Variants in FMN1 observed in about 807,000 individuals in gnomAD.
FMN1 encodes the protein formin 1, also known as formin-1.
In FMN1, 110 loss-of-function variants were observed where a neutral mutation model predicts 132.4. The observed-to-expected ratio is 0.83, with a 90% CI of 0.71 to 0.97. FMN1 has a LOEUF of 0.97. FMN1 is among the 50% of genes least tolerant of loss of function. FMN1 has a pLI of 0.00. For synonymous variants in FMN1, 722 were observed against 651.7 expected, an observed-to-expected ratio of 1.11 and a Z score of -1.64; for missense variants, 1,792 against 1,705.3, an observed-to-expected ratio of 1.05 and a Z score of -0.90.
intron 15 of FMN1, among the ~76,000 whole-genome samples, chr15:32,897,724 G>A (rs1345977696): frequency 6.6e-6 from 1 of 152,196 alleles, no homozygotes; most frequent in East Asian, 1.9e-4. Flanking sequence ...GAGGGTGTGG[G>A]ATGGCTTAGA....
chr15:32,865,076 TTAG>T (rs1373141703), intron 16 of FMN1, among the ~76,000 whole-genome samples: 1 of 152,042 alleles, frequency 6.6e-6, no homozygotes, highest in Admixed American at 6.6e-5. Context: ...ACAAAGCGGA[TTAG>T]TAGTGGCTGA....
chr15:32,993,566 A>C (rs1467105629), intron 7 of FMN1, among the ~76,000 whole-genome samples: 1 of 151,766 alleles, frequency 6.6e-6, no homozygotes, highest in Non-Finnish European at 1.5e-5. Flanking sequence ...GAGCTTTCTC[A>C]TTTCATGCTC....
chr15:32,823,486 T>C (rs1267270288), intron 17 of FMN1, among the ~76,000 whole-genome samples: 1 of 152,118 alleles, frequency 6.6e-6, no homozygotes, highest in Non-Finnish European at 1.5e-5. Flanking sequence ...CGTTATTGCC[T>C]ACACCAAGGT....
At chr15:32,782,975 A>C (rs1011145724) in intron 19 of FMN1, among the ~76,000 whole-genome samples, 3 of 133,048 alleles carry the variant, frequency 2.3e-5, no homozygotes, top group African/African-American at 8.7e-5. Context: ...ATATAGAGGG[A>C]AATAACAGAC....
intron 6 of FMN1, among the ~76,000 whole-genome samples, chr15:33,048,644 A>AAACAAAAAAAAAAAAAAAAAAAAAAC (rs1555388954): frequency 1.2e-5 from 1 of 86,920 alleles, no homozygotes; most frequent in African/African-American, 4.1e-5. Context: ...AAAAAAAAAA[A>AAACAAAAAAAAAAAAAAAAAAAAAAC]AAAAACCAAC....
At chr15:32,962,386 A>G (rs2030670858) in intron 9 of FMN1, among the ~76,000 whole-genome samples, 2 of 151,962 alleles carry the variant, frequency 1.3e-5, no homozygotes, top group Admixed American at 6.5e-5. Context: ...AACCATAAAA[A>G]CCCTAGAAGA....
At chr15:32,918,358 C>T (rs2060735983) in intron 10 of FMN1, among the ~76,000 whole-genome samples, 1 of 152,050 alleles carries the variant, frequency 6.6e-6, no homozygotes, top group Non-Finnish European at 1.5e-5. Flanking sequence ...ATCTAAATTG[C>T]TAAATGCCTG....
At chr15:32,973,996 C>T (rs1186431693) in intron 7 of FMN1, among the ~76,000 whole-genome samples, 4 of 152,132 alleles carry the variant, frequency 2.6e-5, no homozygotes, top group Admixed American at 2.6e-4. Flanking sequence ...CATGTACTCC[C>T]AATCTTTGCC....
intron 10 of FMN1, among the ~76,000 whole-genome samples, chr15:32,917,870 G>A (rs2060722434): frequency 6.6e-6 from 1 of 152,132 alleles, no homozygotes. Context: ...TTTTTACATT[G>A]ATCAGCAATC....
At chr15:32,796,449 T>C (rs193208525) in intron 19 of FMN1, among the ~76,000 whole-genome samples, 1 of 152,338 alleles carries the variant, frequency 6.6e-6, no homozygotes, top group East Asian at 1.9e-4. Flanking sequence ...TTATTTTGGT[T>C]ATGAATTTTA....
rs550980435 is a variant in FMN1 at position 33,127,045 on chromosome 15, AGACATATTAAGCTTTC to A, written c.1867+25987_1867+26002del. On this transcript the variant is annotated intron_variant, in intron 4 of 20. Coordinates refer to ENST00000616417, the MANE Select transcript of FMN1 (RefSeq NM_001277313.2). Reference sequence around the variant, plus strand: ...AAACTGCAAGATGCATGTTGCAAAAAGACATATTAAGCTTTCTGCTGTTTTCCAGGCACTGTATCAG... The same window carrying A: ...AAACTGCAAGATGCATGTTGCAAAAATGCTGTTTTCCAGGCACTGTATCAG... Among the ~76,000 whole-genome samples, 219 of 152,324 alleles carry A rather than the reference AGACATATTAAGCTTTC, an allele frequency of 1.4e-3. 1 individual carries two copies. The highest frequency in any genetic ancestry group is 2.8e-3 in the Non-Finnish European group (191 of 68,024).
chr15:32,884,139 A>G (rs955019854), intron 16 of FMN1, among the ~76,000 whole-genome samples: 12 of 152,200 alleles, frequency 7.9e-5, no homozygotes, highest in Non-Finnish European at 1.6e-4. Flanking sequence ...GATTGCTACT[A>G]TAATAAATTA....
At position 33,048,644 on chromosome 15, in the gene FMN1, A is replaced by AACAAAAAAAAAAAACAAAAAC. The variant is rs1555388955; in HGVS notation, c.2161+16312_2161+16313insGTTTTTGTTTTTTTTTTTTGT. Among the ~76,000 whole-genome samples the AACAAAAAAAAAAAACAAAAAC allele has an allele frequency of 8.4e-3, 728 of 86,922 alleles. 89 individuals are homozygous for AACAAAAAAAAAAAACAAAAAC. Among genetic ancestry groups the AACAAAAAAAAAAAACAAAAAC allele is most frequent in the African/African-American group, 0.028 (674 of 24,318 alleles). The allele number at this position is 86,922 out of a possible 152,430, so 57.0% of individuals were successfully genotyped here. ...TGGGCAATTTACCAAAAAAAAAAAA[A>AACAAAAAAAAAAAACAAAAAC]AAAAACCAACAGTTTAATGGACTTA... On this transcript the variant is annotated intron_variant, in intron 6 of 20. Coordinates refer to ENST00000616417, the MANE Select transcript of FMN1 (RefSeq NM_001277313.2).
chr15:33,019,568 G>A (rs532122512), intron 6 of FMN1, among the ~76,000 whole-genome samples: 25 of 152,322 alleles, frequency 1.6e-4, no homozygotes, highest in African/African-American at 5.8e-4. Flanking sequence ...CAGCGCAGAA[G>A]CCCGGGGCGG....
At chr15:33,175,449 G>A (rs1965483175) in intron 3 of FMN1, among the ~76,000 whole-genome samples, 1 of 152,036 alleles carries the variant, frequency 6.6e-6, no homozygotes, top group Non-Finnish European at 1.5e-5. Flanking sequence ...TTGACATTCT[G>A]GAAGAAAACC....
Position 32,771,407 on chromosome 15 carries a change from CTGTAG to C in FMN1, c.*2898_*2902del, listed in dbSNP as rs745604230. ...GCCTGATGCTTTTTACCTAACGTGT[CTGTAG>C]TGTAATTTATGATGTACTTTGTGTA... is the stretch of plus-strand genomic sequence containing the variant. On this transcript the variant is annotated 3_prime_UTR_variant, in exon 21 of 21. Coordinates refer to ENST00000616417, the MANE Select transcript of FMN1 (RefSeq NM_001277313.2). The C allele has an allele frequency of 5.3e-5, 8 of 152,218 alleles. 1 individual carries two copies. The highest frequency in any genetic ancestry group is 1.9e-4 in the East Asian group (1 of 5,142). The allele number at this position is 152,218 out of a possible 1,614,324, so 9.4% of individuals were successfully genotyped here. A position where few individuals can be genotyped will look rare whatever the true frequency, so the allele number is the denominator to read the frequency against.
At chr15:32,865,854 T>A (rs144813645) in intron 16 of FMN1, among the ~76,000 whole-genome samples, 2,152 of 117,910 alleles carry the variant, frequency 0.018, 34 homozygotes, top group African/African-American at 0.025. Flanking sequence ...AAAAAAAAAA[T>A]AAAATAAAAT....
chr15:32,969,363 C>T lies in FMN1; in HGVS notation c.2338G>A (p.Gly780Ser). ...KHELEHRWRG[G>S]CEERKDVCIS... ...CACACATCTTTCCTCTCTTCACAAC[C>T]CCCTCGCCATCTGTGTTCTAGCTCG... The change falls in exon 8 of 21, where the codon GGT becomes AGT. Residue 780 changes from glycine to serine, a missense_variant. Transcript: ENST00000616417. 1.2e-6 allele frequency: 2 copies of T among 1,613,926 alleles called. No homozygotes were observed. Among genetic ancestry groups the T allele is most frequent in the Non-Finnish European group, 1.7e-6 (2 of 1,179,872 alleles).
intron 6 of FMN1, among the ~76,000 whole-genome samples, chr15:33,017,137 T>TAA (rs1435690322): frequency 8.1e-6 from 1 of 123,246 alleles, no homozygotes; most frequent in African/African-American, 3.2e-5. Context: ...AAAGCATAAT[T>TAA]TAAAAAAAAA....
Sources: gnomAD v4.1 joint callset for allele counts (sites outside exome capture counted in the v4.1 genomes callset) on GRCh38, gnomAD v4.1.1 for gene constraint, MANE v1.5 for transcripts, NCBI Gene and HGNC (gene_info 2026-07-23, HGNC 2026-07-21) for gene names.